Variants in FOXP2 observed in about 807,000 individuals in gnomAD.
FOXP2 encodes the protein forkhead box P2, also known as forkhead box protein P2.
FOXP2 carries 12 observed loss-of-function variants against 115.8 expected under a neutral mutation model. The ratio of observed to expected loss-of-function variants is 0.10; its 90% CI spans 0.07 to 0.17. The LOEUF is 0.17. FOXP2 is among the 10% of genes least tolerant of loss of function. FOXP2 has a pLI of 1.00. For synonymous variants in FOXP2, 328 were observed against 297.7 expected (o/e 1.10, Z -1.05); for missense variants, 629 against 843.5 (o/e 0.75, Z 3.15).
At chr7:114,673,493 T>C (rs1296618263) in intron 16 of FOXP2, among the ~76,000 whole-genome samples, 1 of 152,238 alleles carries the variant, frequency 6.6e-6, no homozygotes, top group Non-Finnish European at 1.5e-5. Flanking sequence ...ACAGCAAAAC[T>C]ATCTGAAATC....
At chr7:114,453,328 G>GTTAA (rs1795147962) in intron 2 of FOXP2, among the ~76,000 whole-genome samples, 1 of 152,078 alleles carries the variant, frequency 6.6e-6, no homozygotes, top group Non-Finnish European at 1.5e-5. Context: ...TGACTGAGGG[G>GTTAA]TTAAGCTGCA....
At chr7:114,151,541 G>A (rs978281750) in intron 1 of FOXP2, among the ~76,000 whole-genome samples, 22 of 151,982 alleles carry the variant, frequency 1.4e-4, no homozygotes, top group African/African-American at 5.3e-4. Flanking sequence ...TTAAACTTAT[G>A]TAAGAGAGAG....
chr7:114,476,092 T>TC (rs1197783779), intron 2 of FOXP2, among the ~76,000 whole-genome samples: 1 of 151,762 alleles, frequency 6.6e-6, no homozygotes, highest in African/African-American at 2.4e-5. Flanking sequence ...ACTTGGGTTT[T>TC]TTTTTTTTTT....
In FOXP2 at chr7:114,445,840, C is replaced by T. The variant is rs114259680; in HGVS notation, c.168+19161C>T. On this transcript the variant is annotated intron_variant, in intron 2 of 16. Coordinates refer to ENST00000350908, the MANE Select transcript of FOXP2 (RefSeq NM_014491.4). ...AAGAAATTACCTTCAGATAACACAT[C>T]TGATTTAATTAAGTGCATGATACTC... Among the ~76,000 whole-genome samples, 1,386 of 152,104 alleles carry T rather than the reference C, an allele frequency of 9.1e-3. 18 individuals are homozygous for T. The highest frequency in any genetic ancestry group is 0.032 in the African/African-American group (1,319 of 41,518).
intron 1 of FOXP2, among the ~76,000 whole-genome samples, chr7:114,247,135 AG>A (rs1795304654): frequency 6.6e-6 from 1 of 152,192 alleles, no homozygotes; most frequent in Admixed American, 6.5e-5. Flanking sequence ...GTATAGCTAC[AG>A]CTTTTCTCAA....
intron 6 of FOXP2, among the ~76,000 whole-genome samples, chr7:114,641,777 G>T (rs1471501419): frequency 6.6e-6 from 1 of 151,412 alleles, no homozygotes; most frequent in Non-Finnish European, 1.5e-5. Context: ...ATTTTTATTT[G>T]TATTTATTTA....
At chr7:114,454,958 A>G (rs1204058722) in intron 2 of FOXP2, among the ~76,000 whole-genome samples, 1 of 148,378 alleles carries the variant, frequency 6.7e-6, no homozygotes, top group East Asian at 2.0e-4. Context: ...AGCATGGCAC[A>G]TGTATACATA....
At chr7:114,302,518 TAGTA>T (rs1160754299) in intron 2 of FOXP2, among the ~76,000 whole-genome samples, 1 of 152,142 alleles carries the variant, frequency 6.6e-6, no homozygotes, top group African/African-American at 2.4e-5. Context: ...AATTTGAAGT[TAGTA>T]AGAATAGAGA....
At chr7:114,135,596 A>C (rs1289207342) in intron 1 of FOXP2, among the ~76,000 whole-genome samples, 1 of 152,184 alleles carries the variant, frequency 6.6e-6, no homozygotes, top group African/African-American at 2.4e-5. Context: ...TAGATGATCT[A>C]ATAACATGTA....
intron 2 of FOXP2, among the ~76,000 whole-genome samples, chr7:114,340,180 T>C (rs1172864524): frequency 6.6e-6 from 1 of 151,144 alleles, no homozygotes; most frequent in African/African-American, 2.4e-5. Context: ...AACCATGTGA[T>C]AGTGATTTCT....
intron 2 of FOXP2, among the ~76,000 whole-genome samples, chr7:114,321,175 C>CTTTA (rs60714472): frequency 0.22 from 30,263 of 140,582 alleles, 3,706 homozygotes; most frequent in East Asian, 0.38. Context: ...TATCTAGTAA[C>CTTTA]TTTATTTATT....
intron 3 of FOXP2, among the ~76,000 whole-genome samples, chr7:114,574,851 T>G (rs917863173): frequency 2.0e-5 from 3 of 151,918 alleles, no homozygotes; most frequent in African/African-American, 7.2e-5. Flanking sequence ...GTCTTGTACC[T>G]ATAATCTGAA....
chr7:114,660,137 C>A (rs942498359), intron 13 of FOXP2, among the ~76,000 whole-genome samples: 5 of 152,070 alleles, frequency 3.3e-5, no homozygotes, highest in African/African-American at 1.2e-4. Context: ...GGCTACTCAG[C>A]TGGAACTAAA....
intron 1 of FOXP2, among the ~76,000 whole-genome samples, chr7:114,118,390 G>T (rs531157511): frequency 5.9e-5 from 9 of 151,492 alleles, no homozygotes; most frequent in Admixed American, 6.6e-5. Flanking sequence ...ATGTGATAAA[G>T]CTAAGAATAG....
At chr7:114,640,439 C>A (rs1317140638) in intron 6 of FOXP2, among the ~76,000 whole-genome samples, 1 of 152,218 alleles carries the variant, frequency 6.6e-6, no homozygotes. Flanking sequence ...GTAAAACTAC[C>A]TGTACGAAAT....
intron 3 of FOXP2, among the ~76,000 whole-genome samples, chr7:114,597,664 A>G (rs1230548273): frequency 6.6e-6 from 1 of 152,162 alleles, no homozygotes; most frequent in African/African-American, 2.4e-5. Flanking sequence ...GCCATAACCC[A>G]ACCTACATCC....
chr7:114,456,890 G>A (rs981065028), intron 2 of FOXP2, among the ~76,000 whole-genome samples: 1 of 151,736 alleles, frequency 6.6e-6, no homozygotes, highest in Non-Finnish European at 1.5e-5. Context: ...GATGATCCTG[G>A]AGGATACTAT....
At chr7:114,320,119 C>A (rs765140271) in intron 2 of FOXP2, among the ~76,000 whole-genome samples, 1 of 152,174 alleles carries the variant, frequency 6.6e-6, no homozygotes, top group Non-Finnish European at 1.5e-5. Flanking sequence ...TTAAAGCCAC[C>A]ATTTCCCAGC....
Position 114,675,471 on chromosome 7 carries a change from T to G in FOXP2, c.2003+11035T>G, listed in dbSNP as rs78042064. Among the ~76,000 whole-genome samples, 1,433 of 152,300 alleles carry G rather than the reference T, an allele frequency of 9.4e-3. 16 individuals are homozygous for G. Among genetic ancestry groups the G allele is most frequent in the African/African-American group, 0.033 (1,355 of 41,570 alleles). Reference sequence around the variant, plus strand: ...ATAATCCTGTGCTTATATTTTGAATTCATTTTATATCTTGAAAACAGCAAT... The same window carrying G: ...ATAATCCTGTGCTTATATTTTGAATGCATTTTATATCTTGAAAACAGCAAT... On this transcript the variant is annotated intron_variant, in intron 16 of 16. Transcript: ENST00000350908.
Sources: gnomAD v4.1 joint callset for allele counts (sites outside exome capture counted in the v4.1 genomes callset) on GRCh38, gnomAD v4.1.1 for gene constraint, MANE v1.5 for transcripts, NCBI Gene and HGNC (gene_info 2026-07-23, HGNC 2026-07-21) for gene names.